Variants in RALGAPB observed in about 807,000 individuals in gnomAD.
RALGAPB encodes Ral GTPase activating protein non-catalytic subunit beta.
Under a neutral mutation model 161.1 loss-of-function variants are expected in RALGAPB, and 25 were observed. That is an observed-to-expected ratio of 0.16 (90% CI 0.11 to 0.22). The LOEUF (loss-of-function observed/expected upper bound fraction) is 0.22. Ranked by LOEUF, RALGAPB falls within the 10% of genes least tolerant of loss-of-function variation. RALGAPB has a pLI of 1.00. For synonymous variants in RALGAPB, 629 were observed against 626.1 expected, an observed-to-expected ratio of 1.00 and a Z score of -0.07; for missense variants, 1,391 against 1,815.2, an observed-to-expected ratio of 0.77 and a Z score of 4.25.
At chr20:38,513,474 T>TG (rs1055965758) in intron 6 of RALGAPB, among the ~76,000 whole-genome samples, 39 of 11,744 alleles carry the variant, frequency 3.3e-3, no homozygotes, top group Non-Finnish European at 4.8e-3. Flanking sequence ...GCGGCGGCGG[T>TG]GGGGGGTGGG....
intron 1 of RALGAPB, among the ~76,000 whole-genome samples, chr20:38,482,426 CTTTTTT>C (rs386393725): frequency 1.6e-5 from 2 of 121,386 alleles, no homozygotes; most frequent in African/African-American, 6.1e-5. Flanking sequence ...GTATGTTTAT[CTTTTTT>C]TTTTTTTTTT....
Position 38,558,299 on chromosome 20 carries a change from C to G in RALGAPB, c.3377C>G (p.Pro1126Arg). Reference protein sequence around the residue: ...GFLSLEALKEPANSRLPPHLI... With the variant: ...GFLSLEALKERANSRLPPHLI... ...CCTTTCTTCTTTTGGTGGCAGGAAC[C>G]TGCAAATAGTCGTCTACCTCCTCAC... The change falls in exon 23 of 30, where the codon CCT (proline) becomes CGT (arginine). Residue 1126 changes from proline (P) to arginine (R), a missense_variant. By Grantham distance (103) the Pro-to-Arg change is moderately radical. Around this residue, in one of 3 missense-constraint regions of RALGAPB, gnomAD observed 436 missense variants for 527.0 expected, o/e 0.83. Transcript: ENST00000262879. 6.6e-7 allele frequency: 1 copy of G among 1,506,022 alleles called. No individual in the cohort carries two copies. The highest frequency in any genetic ancestry group is 8.9e-7 in the Non-Finnish European group (1 of 1,121,328). 93.3% of individuals were successfully genotyped at this position (1,506,022 alleles called of 1,614,324 possible).
At chr20:38,566,967 A>G in intron 25 of RALGAPB, 129 bp from the exon 26 acceptor site, 1 of 1,422,698 alleles carries the variant, frequency 7.0e-7, no homozygotes, top group Non-Finnish European at 9.2e-7. Flanking sequence ...AAAGTTTGTC[A>G]GCCCTTGCTC....
chr20:38,552,864 T>C (rs924862424), intron 21 of RALGAPB, among the ~76,000 whole-genome samples: 4 of 152,204 alleles, frequency 2.6e-5, no homozygotes, highest in Non-Finnish European at 4.4e-5. Context: ...GAAGCATAAG[T>C]AAAGAATTTG....
intron 21 of RALGAPB, among the ~76,000 whole-genome samples, chr20:38,552,997 T>G (rs1277607016): frequency 6.6e-6 from 1 of 152,094 alleles, no homozygotes; most frequent in Non-Finnish European, 1.5e-5. Context: ...GGGAAGCAGA[T>G]AAAGCCAGAA....
chr20:38,534,596 G>A (rs1219807769), intron 15 of RALGAPB, among the ~76,000 whole-genome samples: 1 of 152,174 alleles, frequency 6.6e-6, no homozygotes, highest in Non-Finnish European at 1.5e-5. Flanking sequence ...GTTTGAAAAG[G>A]CATTGCATGT....
At chr20:38,508,008 A>G (rs911991577) in intron 5 of RALGAPB, among the ~76,000 whole-genome samples, 20 of 152,002 alleles carry the variant, frequency 1.3e-4, no homozygotes, top group African/African-American at 4.3e-4. Flanking sequence ...TTTTTATGGT[A>G]TGTCATAAAT....
intron 5 of RALGAPB, among the ~76,000 whole-genome samples, chr20:38,500,845 G>A (rs2085571269): frequency 6.6e-6 from 1 of 152,114 alleles, no homozygotes; most frequent in Non-Finnish European, 1.5e-5. Flanking sequence ...AGTTTGAGTG[G>A]GCTAGATAGG....
chr20:38,568,492 G>C (rs1391163703), intron 26 of RALGAPB: 7 of 152,196 alleles, frequency 4.6e-5, no homozygotes, highest in African/African-American at 1.4e-4. Flanking sequence ...AAGGATGCCT[G>C]TTCTCACCAC....
At chr20:38,558,782 A>C (rs1170363739) in intron 23 of RALGAPB, among the ~76,000 whole-genome samples, 1 of 152,208 alleles carries the variant, frequency 6.6e-6, no homozygotes, top group Non-Finnish European at 1.5e-5. Context: ...TAGATTAGCT[A>C]ATGAACTGTT....
intron 5 of RALGAPB, among the ~76,000 whole-genome samples, chr20:38,502,739 A>C (rs1425536827): frequency 6.6e-6 from 1 of 152,112 alleles, no homozygotes; most frequent in African/African-American, 2.4e-5. Flanking sequence ...AGTAGCTGGG[A>C]TTACAGGCGT....
intron 5 of RALGAPB, among the ~76,000 whole-genome samples, chr20:38,503,728 G>T (rs2085665049): frequency 6.6e-6 from 1 of 152,220 alleles, no homozygotes; most frequent in Non-Finnish European, 1.5e-5. Context: ...GTTCTACTAT[G>T]GGTAAAATGC....
chr20:38,497,388 T>C lies in RALGAPB; in HGVS notation c.425T>C (p.Leu142Ser). ...EQGSSQIRLC[L>S]QVLRAIQKLA... The stretch of plus-strand genomic sequence containing the variant: ...GGTTCCAGTCAGATTCGACTATGCT[T>C]ACAGGTCCTGAGAGCCATTCAGAAA... Residue 142 changes from leucine to serine, a missense_variant, in exon 4 of 30, where the codon TTA (leucine) becomes TCA (serine). Transcript: ENST00000262879. The C allele has an allele frequency of 1.2e-6, 2 of 1,614,072 alleles. No homozygotes were observed. The highest frequency in any genetic ancestry group is 1.7e-6 in the Non-Finnish European group (2 of 1,179,932).
intron 14 of RALGAPB, among the ~76,000 whole-genome samples, chr20:38,531,957 G>A (rs773523856): frequency 1.3e-5 from 2 of 152,150 alleles, no homozygotes; most frequent in African/African-American, 2.4e-5. Flanking sequence ...TATACATACG[G>A]GAGTTAAAAC....
In RALGAPB at chr20:38,558,291, G is replaced by T; in HGVS notation, c.3373-4G>T. The T allele has an allele frequency of 6.7e-7, 1 of 1,493,890 alleles. No individual in the cohort carries two copies. The highest frequency in any genetic ancestry group is 2.4e-5 in the East Asian group (1 of 41,442). 92.5% of individuals were successfully genotyped at this position (1,493,890 alleles called of 1,614,324 possible). The stretch of plus-strand genomic sequence containing the variant: ...TAATTGCTCCTTTCTTCTTTTGGTG[G>T]CAGGAACCTGCAAATAGTCGTCTAC... On this transcript the variant is annotated splice_region_variant and splice_polypyrimidine_tract_variant and intron_variant, in intron 22 of 29. Coordinates refer to ENST00000262879, the MANE Select transcript of RALGAPB (RefSeq NM_020336.4).
intron 25 of RALGAPB, among the ~76,000 whole-genome samples, chr20:38,566,726 G>A (rs1193259399): frequency 6.6e-6 from 1 of 152,198 alleles, no homozygotes; most frequent in Non-Finnish European, 1.5e-5. Flanking sequence ...AATTCAGAGA[G>A]TAATAATGGC....
intron 5 of RALGAPB, among the ~76,000 whole-genome samples, chr20:38,502,913 A>C (rs1568918778): frequency 6.6e-6 from 1 of 151,878 alleles, no homozygotes. Flanking sequence ...GCCCTTTTTT[A>C]TGATTTTTTT....
intron 26 of RALGAPB, chr20:38,568,500 C>T (rs2088095923): frequency 6.6e-6 from 1 of 152,078 alleles, no homozygotes; most frequent in African/African-American, 2.4e-5. Flanking sequence ...CTGTTCTCAC[C>T]ACTTACGTTC....
chr20:38,543,882 T>G (rs2087062429), intron 18 of RALGAPB, among the ~76,000 whole-genome samples: 1 of 152,208 alleles, frequency 6.6e-6, no homozygotes, highest in South Asian at 2.1e-4. Context: ...GGCATGGAGT[T>G]TTATACTGTC....
Sources: gnomAD v4.1 joint callset for allele counts (sites outside exome capture counted in the v4.1 genomes callset) on GRCh38, gnomAD v4.1.1 for gene constraint, gnomAD v4.1.1 regional missense constraint, MANE v1.5 for transcripts, NCBI Gene and HGNC (gene_info 2026-07-23, HGNC 2026-07-21) for gene names.